LINGO2: variants seen among roughly 807,000 people sequenced by gnomAD.
LINGO2 encodes the protein leucine-rich repeat and immunoglobulin-like domain-containing nogo receptor-interacting protein 2.
A neutral mutation model predicts 30.6 loss-of-function variants in LINGO2; 14 were observed. The observed-to-expected ratio is 0.46, with a 90% CI of 0.30 to 0.72. The LOEUF is 0.72. Among genes scored for constraint, LINGO2 ranks in the 30% least tolerant of loss-of-function variants. LINGO2 has a pLI of 0.07. For synonymous variants in LINGO2, 317 were observed against 288.5 expected, an observed-to-expected ratio of 1.10 and a Z score of -1.00; for missense variants, 729 against 751.7, an observed-to-expected ratio of 0.97 and a Z score of 0.35.
intron 4 of LINGO2, among the ~76,000 whole-genome samples, chr9:28,204,859 G>T (rs959629232): frequency 6.6e-6 from 1 of 152,140 alleles, no homozygotes; most frequent in Non-Finnish European, 1.5e-5. Flanking sequence ...GATTGAGTCG[G>T]TTTATTTTAA....
chr9:28,266,289 TATA>T (rs1192394330), intron 4 of LINGO2, among the ~76,000 whole-genome samples: 2 of 151,964 alleles, frequency 1.3e-5, no homozygotes, highest in Admixed American at 6.6e-5. Context: ...ACTTGAATAG[TATA>T]ATGTTTCACA....
chr9:28,065,681 G>A (rs556900981), intron 4 of LINGO2, among the ~76,000 whole-genome samples: 34 of 152,168 alleles, frequency 2.2e-4, no homozygotes, highest in African/African-American at 8.2e-4. Context: ...TCAGGAATCC[G>A]GGGTCTGCAT....
the LINGO2 span, among the ~76,000 whole-genome samples, chr9:29,001,041 G>A: frequency 2.6e-5 from 4 of 151,900 alleles, no homozygotes; most frequent in Non-Finnish European, 5.9e-5. Flanking sequence ...TCATGCATAC[G>A]ACAAAAGAGC....
chr9:28,083,952 T>C (rs1825840556), intron 4 of LINGO2, among the ~76,000 whole-genome samples: 1 of 152,194 alleles, frequency 6.6e-6, no homozygotes, highest in Admixed American at 6.5e-5. Flanking sequence ...CACATCAAGA[T>C]TATAATCTGT....
chr9:28,383,877 C>G (rs190071669), intron 2 of LINGO2, among the ~76,000 whole-genome samples: 116 of 152,078 alleles, frequency 7.6e-4, no homozygotes, highest in African/African-American at 2.5e-3. Flanking sequence ...ACCTCACCTG[C>G]AGTGCTTAGG....
chr9:28,748,650 C>A, the LINGO2 span, among the ~76,000 whole-genome samples: 2 of 151,990 alleles, frequency 1.3e-5, no homozygotes, highest in Middle Eastern at 6.8e-3. Context: ...ATTATATTTG[C>A]TTGAGAGATT....
the LINGO2 span, among the ~76,000 whole-genome samples, chr9:29,073,481 TG>T: frequency 6.6e-6 from 1 of 152,158 alleles, no homozygotes; most frequent in Non-Finnish European, 1.5e-5. Context: ...GAGCTAAAAA[TG>T]TTTATAAAAT....
At chr9:28,754,861 G>A in the LINGO2 span, among the ~76,000 whole-genome samples, 1 of 151,858 alleles carries the variant, frequency 6.6e-6, no homozygotes. Context: ...TTGATCTCCT[G>A]ATCCCATGAT....
the LINGO2 span, among the ~76,000 whole-genome samples, chr9:28,996,719 G>A: frequency 2.0e-5 from 3 of 152,176 alleles, no homozygotes; most frequent in South Asian, 6.2e-4. Flanking sequence ...ATCAAGGAAG[G>A]GATTTGTAAT....
At chr9:28,081,849 T>A (rs370836985) in intron 4 of LINGO2, among the ~76,000 whole-genome samples, 3 of 152,112 alleles carry the variant, frequency 2.0e-5, no homozygotes, top group African/African-American at 4.8e-5. Flanking sequence ...CTAAAGTAAA[T>A]GGCCTTTTTC....
the LINGO2 span, among the ~76,000 whole-genome samples, chr9:28,935,848 T>C: frequency 1.3e-5 from 2 of 152,026 alleles, no homozygotes; most frequent in Non-Finnish European, 2.9e-5. Flanking sequence ...GGGCTCAATC[T>C]GAAATACACA....
At chr9:28,160,689 C>G (rs1828260811) in intron 4 of LINGO2, among the ~76,000 whole-genome samples, 1 of 152,158 alleles carries the variant, frequency 6.6e-6, no homozygotes, top group Non-Finnish European at 1.5e-5. Context: ...TTCTAAAGAA[C>G]AGTAATTTTT....
At chr9:28,856,041 C>G in the LINGO2 span, among the ~76,000 whole-genome samples, 2 of 151,828 alleles carry the variant, frequency 1.3e-5, no homozygotes, top group Non-Finnish European at 2.9e-5. Context: ...GGAGCTAGAC[C>G]AAGGGTTGTG....
chr9:28,863,419 A>G, the LINGO2 span, among the ~76,000 whole-genome samples: 10 of 152,160 alleles, frequency 6.6e-5, no homozygotes, highest in East Asian at 5.8e-4. Flanking sequence ...TAAAACATGT[A>G]TATTTAGGTA....
At chr9:29,125,791 C>T in the LINGO2 span, among the ~76,000 whole-genome samples, 18 of 152,044 alleles carry the variant, frequency 1.2e-4, no homozygotes, top group Admixed American at 6.6e-4. Context: ...TGCGTACATG[C>T]TCATGAACAT....
At chr9:28,641,039 C>A (rs1240794174) in intron 1 of LINGO2, among the ~76,000 whole-genome samples, 1 of 151,920 alleles carries the variant, frequency 6.6e-6, no homozygotes, top group Non-Finnish European at 1.5e-5. Context: ...AGTTTTCCTT[C>A]CAAATTTTTG....
chr9:28,215,227 T>G (rs1359910162), intron 4 of LINGO2, among the ~76,000 whole-genome samples: 2 of 151,890 alleles, frequency 1.3e-5, no homozygotes, highest in African/African-American at 4.8e-5. Context: ...CATTCTCCTT[T>G]AGAATTTCCC....
intron 1 of LINGO2, among the ~76,000 whole-genome samples, chr9:28,667,849 G>A (rs1319397460): frequency 6.6e-6 from 1 of 152,138 alleles, no homozygotes; most frequent in Non-Finnish European, 1.5e-5. Flanking sequence ...TTCTTCAACT[G>A]TGGACTGAGC....
the LINGO2 span, among the ~76,000 whole-genome samples, chr9:28,756,085 A>G: frequency 6.6e-6 from 1 of 152,034 alleles, no homozygotes; most frequent in Non-Finnish European, 1.5e-5. Flanking sequence ...ATGATCCTGA[A>G]ATCACCTGAT....
Sources: allele counts gnomAD v4.1 joint callset (sites outside exome capture counted in the v4.1 genomes callset), GRCh38; gene constraint gnomAD v4.1.1; transcripts MANE v1.5; gene names NCBI Gene and HGNC (gene_info 2026-07-23, HGNC 2026-07-21).